FGD4: variants seen among roughly 807,000 people sequenced by gnomAD.
FGD4 encodes the protein FYVE, RhoGEF and PH domain-containing protein 4.
Under a neutral mutation model 102.0 loss-of-function variants are expected in FGD4, and 42 were observed. That is an observed-to-expected ratio of 0.41 (90% CI 0.32 to 0.53). The LOEUF is 0.53. FGD4 is among the 20% of genes least tolerant of loss of function. The probability of loss-of-function intolerance (pLI) is 0.21; values close to 1 mark genes in which losing one functional copy is unlikely to be tolerated. For synonymous variants in FGD4, 380 were observed against 375.7 expected (o/e 1.01, Z -0.13); for missense variants, 902 against 1,078.2 (o/e 0.84, Z 2.29).
chr12:32,625,592 A>G, intron 13 of FGD4, 62 bp from the exon 14 acceptor site: 1 of 1,560,028 alleles, frequency 6.4e-7, no homozygotes, highest in Non-Finnish European at 8.7e-7. Flanking sequence ...CTTTCAAAAA[A>G]TAATAATAAA....
At chr12:32,473,802 T>G (rs1429567867) in intron 1 of FGD4, among the ~76,000 whole-genome samples, 1 of 152,050 alleles carries the variant, frequency 6.6e-6, no homozygotes, top group Non-Finnish European at 1.5e-5. Flanking sequence ...TATTAGGAGC[T>G]GTGGACCGGG....
intron 1 of FGD4, among the ~76,000 whole-genome samples, chr12:32,497,725 C>G (rs916858956): frequency 6.6e-6 from 1 of 152,144 alleles, no homozygotes; most frequent in African/African-American, 2.4e-5. Flanking sequence ...AAAAGTACAT[C>G]CTAAATTGTG....
chr12:32,630,965 C>T (rs1463883936), intron 14 of FGD4, among the ~76,000 whole-genome samples: 1 of 151,870 alleles, frequency 6.6e-6, no homozygotes, highest in African/African-American at 2.4e-5. Flanking sequence ...GTGACAGACC[C>T]CAGGTCTTGA....
chr12:32,627,732 C>A (rs1187539404), intron 14 of FGD4, among the ~76,000 whole-genome samples: 2 of 152,096 alleles, frequency 1.3e-5, no homozygotes, highest in African/African-American at 4.8e-5. Flanking sequence ...AGGCAGATAG[C>A]ACGGTTTATC....
chr12:32,501,836 TGTCAA>T (rs1938240984), intron 1 of FGD4, among the ~76,000 whole-genome samples: 1 of 152,228 alleles, frequency 6.6e-6, no homozygotes. Flanking sequence ...ATTTTCTGTT[TGTCAA>T]GTCAAGCCTC....
At chr12:32,590,017 A>T (rs578084269) in intron 4 of FGD4, among the ~76,000 whole-genome samples, 1 of 152,280 alleles carries the variant, frequency 6.6e-6, no homozygotes, top group South Asian at 2.1e-4. Context: ...TATATTATAA[A>T]GCAAGGAATG....
chr12:32,429,572 G>C (rs572917457), intron 1 of FGD4, among the ~76,000 whole-genome samples: 19 of 152,366 alleles, frequency 1.2e-4, no homozygotes, highest in African/African-American at 4.1e-4. Context: ...GAGATCTGCT[G>C]CTCTCTTCAG....
intron 1 of FGD4, among the ~76,000 whole-genome samples, chr12:32,457,997 C>CT (rs5797479): frequency 0.14 from 20,659 of 146,236 alleles, 1,577 homozygotes; most frequent in Middle Eastern, 0.38. Flanking sequence ...TGATTTTTCA[C>CT]TTTTTTTTTT....
At chr12:32,610,893 C>A in intron 9 of FGD4, 59 bp downstream of exon 9, 2 of 1,530,396 alleles carry the variant, frequency 1.3e-6, no homozygotes, top group Non-Finnish European at 1.8e-6. Context: ...ATAATACTGC[C>A]TCAATACTAT....
chr12:32,558,223 A>G (rs1047420599), intron 1 of FGD4, among the ~76,000 whole-genome samples: 3 of 152,238 alleles, frequency 2.0e-5, no homozygotes, highest in African/African-American at 7.2e-5. Context: ...GTTGTAGTAC[A>G]CTAAGGAGAC....
At chr12:32,594,813 C>T (rs560291541) in intron 4 of FGD4, among the ~76,000 whole-genome samples, 2 of 152,270 alleles carry the variant, frequency 1.3e-5, no homozygotes, top group East Asian at 3.9e-4. Context: ...AGGCGGAACA[C>T]AAGGTCAGGA....
intron 1 of FGD4, among the ~76,000 whole-genome samples, chr12:32,534,680 C>T (rs1373123975): frequency 2.0e-5 from 3 of 152,146 alleles, no homozygotes; most frequent in Non-Finnish European, 4.4e-5. Flanking sequence ...TTTGGCTCTC[C>T]AGGAGGCTTC....
At chr12:32,409,251 A>G (rs771074169) in intron 1 of FGD4, among the ~76,000 whole-genome samples, 1 of 150,798 alleles carries the variant, frequency 6.6e-6, no homozygotes, top group African/African-American at 2.4e-5. Context: ...TATTCATTCT[A>G]TATAACTCTT....
At chr12:32,489,751 A>G (rs1250822261) in intron 1 of FGD4, among the ~76,000 whole-genome samples, 1 of 152,142 alleles carries the variant, frequency 6.6e-6, no homozygotes, top group Non-Finnish European at 1.5e-5. Context: ...AAGATAGGTG[A>G]TATGACCCTA....
At chr12:32,563,062 C>T (rs1944778204) in intron 1 of FGD4, among the ~76,000 whole-genome samples, 1 of 147,250 alleles carries the variant, frequency 6.8e-6, no homozygotes, top group African/African-American at 2.5e-5. Flanking sequence ...CCACCTCCCT[C>T]CCGGACGGGG....
Position 32,399,695 on chromosome 12 carries a change from G to A in FGD4, c.-99G>A. On this transcript the variant is annotated 5_prime_UTR_variant, in exon 1 of 17. Coordinates refer to ENST00000534526, the MANE Select transcript of FGD4 (RefSeq NM_001370298.3). ...CGCCGCAGTAGAGGGCGCCCCCGGAGTCGCGCCGAACCTGGGCATGCAGGC... is the reference window on the plus strand; with the variant it reads ...CGCCGCAGTAGAGGGCGCCCCCGGAATCGCGCCGAACCTGGGCATGCAGGC... The A allele has an allele frequency of 6.8e-7, 1 of 1,465,900 alleles. No individual in the cohort carries two copies. The highest frequency in any genetic ancestry group is 8.9e-7 in the Non-Finnish European group (1 of 1,119,040). The allele number at this position is 1,465,900 out of a possible 1,614,324, so 90.8% of individuals were successfully genotyped here.
chr12:32,451,448 A>C (rs776530235), intron 1 of FGD4, among the ~76,000 whole-genome samples: 9 of 152,154 alleles, frequency 5.9e-5, no homozygotes, highest in Non-Finnish European at 1.2e-4. Flanking sequence ...GGAGTCTGTA[A>C]TCATATCAGA....
rs1943115770 is a variant in FGD4 at position 32,544,887 on chromosome 12, C to G, written c.167-19250C>G. On this transcript the variant is annotated intron_variant, in intron 1 of 16. Transcript: ENST00000534526. The surrounding 1 kb of genome is among the most constrained non-coding windows in gnomAD (Gnocchi z 4.1). Reference sequence around the variant, plus strand: ...TAACACTAAGCATGGTGACTCTCAACCATGACTGCACAGTGGGATTGCCTG... The same window carrying G: ...TAACACTAAGCATGGTGACTCTCAAGCATGACTGCACAGTGGGATTGCCTG... Among the ~76,000 whole-genome samples, 1 of 152,222 alleles carries G rather than the reference C, an allele frequency of 6.6e-6. No individual in the cohort carries two copies. Among genetic ancestry groups the G allele is most frequent in the Non-Finnish European group, 1.5e-5 (1 of 68,042 alleles).
intron 1 of FGD4, among the ~76,000 whole-genome samples, chr12:32,543,648 A>G (rs1943012544): frequency 1.3e-5 from 2 of 152,154 alleles, no homozygotes; most frequent in Admixed American, 1.3e-4. Flanking sequence ...TGTTTTTGAG[A>G]CAGGGTCTCA....
Sources: gnomAD v4.1 joint callset for allele counts (sites outside exome capture counted in the v4.1 genomes callset) on GRCh38, gnomAD v4.1.1 for gene constraint, Gnocchi (gnomAD v3.1) non-coding constraint, MANE v1.5 for transcripts, NCBI Gene and HGNC (gene_info 2026-07-23, HGNC 2026-07-21) for gene names.